The following CNTNAP2 variants were observed in gnomAD, a reference collection of about 807,000 sequenced individuals.
The protein encoded by CNTNAP2 is contactin-associated protein-like 2.
A neutral mutation model predicts 155.2 loss-of-function variants in CNTNAP2; 98 were observed. The observed-to-expected ratio is 0.63, with a 90% CI of 0.54 to 0.75. The LOEUF (loss-of-function observed/expected upper bound fraction) is 0.75. Ranked by LOEUF, CNTNAP2 falls within the 30% of genes least tolerant of loss-of-function variation. CNTNAP2 has a pLI of 0.00. For synonymous variants in CNTNAP2, 651 were observed against 631.2 expected (o/e 1.03, Z -0.47); for missense variants, 1,727 against 1,688.1 (o/e 1.02, Z -0.40).
intron 9 of CNTNAP2, among the ~76,000 whole-genome samples, chr7:147,354,969 T>C (rs1796037859): frequency 6.6e-6 from 1 of 152,080 alleles, no homozygotes; most frequent in Admixed American, 6.6e-5. Context: ...ATGCTTGTGA[T>C]TTTGCACACT....
intron 1 of CNTNAP2, among the ~76,000 whole-genome samples, chr7:146,473,712 T>C (rs1346079868): frequency 6.6e-6 from 1 of 152,222 alleles, no homozygotes; most frequent in Non-Finnish European, 1.5e-5. Context: ...GGCATTTGTT[T>C]TTGTGATACA....
chr7:146,972,296 G>T (rs1187394889), intron 3 of CNTNAP2, among the ~76,000 whole-genome samples: 2 of 152,012 alleles, frequency 1.3e-5, no homozygotes, highest in Admixed American at 1.3e-4. Flanking sequence ...TATACAGGTA[G>T]CCTAGTATTT....
chr7:147,182,504 A>G (rs1444670940), intron 8 of CNTNAP2, among the ~76,000 whole-genome samples: 1 of 152,106 alleles, frequency 6.6e-6, no homozygotes, highest in East Asian at 1.9e-4. Flanking sequence ...TCATTTTTGA[A>G]CCTTGAACCT....
intron 12 of CNTNAP2, among the ~76,000 whole-genome samples, chr7:147,562,962 T>C (rs888966235): frequency 6.6e-6 from 1 of 152,142 alleles, no homozygotes; most frequent in Non-Finnish European, 1.5e-5. Flanking sequence ...AAGACCAGCA[T>C]TTGATGTGAA....
chr7:148,259,903 A>G (rs1458122173), intron 20 of CNTNAP2, among the ~76,000 whole-genome samples: 3 of 152,186 alleles, frequency 2.0e-5, no homozygotes, highest in Non-Finnish European at 4.4e-5. Flanking sequence ...GGGTACATGG[A>G]GTCACAGTCT....
intron 1 of CNTNAP2, among the ~76,000 whole-genome samples, chr7:146,443,214 TA>T (rs1450714504): frequency 7.7e-6 from 1 of 129,920 alleles, no homozygotes; most frequent in African/African-American, 3.5e-5. Flanking sequence ...ACTCCGTCTC[TA>T]AATAAATAAA....
intron 9 of CNTNAP2, among the ~76,000 whole-genome samples, chr7:147,319,237 CTTCTTAA>C (rs1403935488): frequency 2.0e-5 from 3 of 152,114 alleles, no homozygotes; most frequent in Non-Finnish European, 4.4e-5. Flanking sequence ...CTTTACCATA[CTTCTTAA>C]TTCTTTAAAA....
At chr7:147,792,080 T>C (rs1475012939) in intron 13 of CNTNAP2, among the ~76,000 whole-genome samples, 2 of 152,192 alleles carry the variant, frequency 1.3e-5, no homozygotes, top group Admixed American at 1.3e-4. Context: ...GGGGATGTGG[T>C]CCTCTCTCTG....
At chr7:147,919,964 G>GT (rs1477156788) in intron 14 of CNTNAP2, among the ~76,000 whole-genome samples, 1 of 152,022 alleles carries the variant, frequency 6.6e-6, no homozygotes, top group Non-Finnish European at 1.5e-5. Flanking sequence ...CCTTCCTACG[G>GT]TGGTGATGTC....
At chr7:146,846,325 C>G (rs1330579506) in intron 3 of CNTNAP2, among the ~76,000 whole-genome samples, 1 of 72,060 alleles carries the variant, frequency 1.4e-5, no homozygotes, top group Non-Finnish European at 2.6e-5. Context: ...TAAAACACAT[C>G]AGAATAATCT....
intron 10 of CNTNAP2, among the ~76,000 whole-genome samples, chr7:147,467,847 T>C (rs1798146805): frequency 1.4e-5 from 2 of 143,942 alleles, no homozygotes; most frequent in East Asian, 2.0e-4. Context: ...CTGGGAAACA[T>C]AGTAAGAATG....
rs923019669 is a variant in CNTNAP2, at chr7:148,331,618, G to A, written c.3476-52031G>A. On this transcript the variant is annotated intron_variant, in intron 21 of 23. Coordinates refer to ENST00000361727, the MANE Select transcript of CNTNAP2 (RefSeq NM_014141.6). ...AATGGATGGATGGAATGGACGGATG[G>A]AGTCGATGGATGGAGTGGATGGATG... Among the ~76,000 whole-genome samples, 9 of 118,090 alleles carry A rather than the reference G, an allele frequency of 7.6e-5. No individual in the cohort carries two copies. In the East Asian group the frequency reaches 1.1e-3, roughly 14 times the overall value. 77.5% of individuals were successfully genotyped at this position (118,090 alleles called of 152,430 possible). A position where few individuals can be genotyped will look rare whatever the true frequency, so the allele number is the denominator to read the frequency against.
At chr7:147,293,507 T>C (rs1012983353) in intron 8 of CNTNAP2, among the ~76,000 whole-genome samples, 1 of 152,172 alleles carries the variant, frequency 6.6e-6, no homozygotes, top group African/African-American at 2.4e-5. Context: ...CATAGAACCC[T>C]GTAACTGCCT....
chr7:146,206,136 G>A (rs567456065), intron 1 of CNTNAP2, among the ~76,000 whole-genome samples: 115 of 152,028 alleles, frequency 7.6e-4, no homozygotes, highest in Non-Finnish European at 1.4e-3. Context: ...ACATAAGTTT[G>A]TATTGTGAAT....
chr7:148,363,636 T>C (rs1310574791), intron 21 of CNTNAP2, among the ~76,000 whole-genome samples: 9 of 152,322 alleles, frequency 5.9e-5, no homozygotes, highest in Admixed American at 4.6e-4. Context: ...GGGTTCCTTT[T>C]GAGAGGTGAC....
At chr7:147,866,682 C>A (rs1294956790) in intron 13 of CNTNAP2, among the ~76,000 whole-genome samples, 1 of 151,486 alleles carries the variant, frequency 6.6e-6, no homozygotes, top group East Asian at 1.9e-4. Context: ...ATGAAATGGC[C>A]TTCTTTGCCT....
At chr7:147,455,595 T>C (rs1797905687) in intron 10 of CNTNAP2, among the ~76,000 whole-genome samples, 1 of 152,180 alleles carries the variant, frequency 6.6e-6, no homozygotes, top group Admixed American at 6.5e-5. Flanking sequence ...AAAATCTTGA[T>C]GTAAACTATT....
chr7:147,340,075 G>A (rs1795734723), intron 9 of CNTNAP2, among the ~76,000 whole-genome samples: 1 of 152,060 alleles, frequency 6.6e-6, no homozygotes, highest in African/African-American at 2.4e-5. Flanking sequence ...TTTCGCTTTG[G>A]CTAATAGATC....
chr7:147,800,942 A>G (rs904943100), intron 13 of CNTNAP2, among the ~76,000 whole-genome samples: 5 of 152,244 alleles, frequency 3.3e-5, no homozygotes, highest in Non-Finnish European at 7.3e-5. Context: ...TGTACCAGAT[A>G]GCCTAGGTGA....
Sources: allele counts gnomAD v4.1 joint callset (sites outside exome capture counted in the v4.1 genomes callset), GRCh38; gene constraint gnomAD v4.1.1; transcripts MANE v1.5; gene names NCBI Gene and HGNC (gene_info 2026-07-23, HGNC 2026-07-21).